The following KCNH1 variants were observed in gnomAD, a reference collection of about 807,000 sequenced individuals.
The protein encoded by KCNH1 is potassium voltage-gated channel subfamily H member 1, also known as voltage-gated delayed rectifier potassium channel KCNH1.
In KCNH1, 27 loss-of-function variants were observed where a neutral mutation model predicts 69.2. That is an observed-to-expected ratio of 0.39 (90% CI 0.29 to 0.54). The LOEUF (loss-of-function observed/expected upper bound fraction) is 0.54, where lower values mean the gene tolerates loss of function less well. Among genes scored for constraint, KCNH1 ranks in the 20% least tolerant of loss-of-function variants. The pLI is 0.68. For missense variants in KCNH1, 798 were observed against 1,261.6 expected, an observed-to-expected ratio of 0.63 and a Z score of 5.57; for synonymous variants, 456 against 487.7, an observed-to-expected ratio of 0.93 and a Z score of 0.86.
chr1:210,969,513 A>G (rs1688473553), intron 6 of KCNH1, among the ~76,000 whole-genome samples: 2 of 151,808 alleles, frequency 1.3e-5, no homozygotes, highest in South Asian at 4.2e-4. Context: ...TGAGTCGTTT[A>G]TCTCCCCTAG....
chr1:210,877,400 C>T (rs1686399862), intron 7 of KCNH1, among the ~76,000 whole-genome samples: 1 of 152,126 alleles, frequency 6.6e-6, no homozygotes, highest in Non-Finnish European at 1.5e-5. Context: ...ATGGATGATG[C>T]TGAAATCTCA....
intron 10 of KCNH1, among the ~76,000 whole-genome samples, chr1:210,687,118 A>G (rs1392234459): frequency 6.6e-6 from 1 of 152,226 alleles, no homozygotes; most frequent in Non-Finnish European, 1.5e-5. Context: ...GCAGCCTCTG[A>G]GACTTGAGAT....
intron 9 of KCNH1, among the ~76,000 whole-genome samples, chr1:210,789,862 G>A (rs1301738856): frequency 6.6e-6 from 1 of 152,104 alleles, no homozygotes; most frequent in Admixed American, 6.5e-5. Flanking sequence ...TTCTAGTATC[G>A]TTTAAAATTT....
intron 1 of KCNH1, among the ~76,000 whole-genome samples, chr1:211,114,836 C>T (rs965469050): frequency 1.3e-5 from 2 of 152,090 alleles, no homozygotes; most frequent in African/African-American, 4.8e-5. Context: ...TAACCCACTG[C>T]TTGGACAAAA....
chr1:211,107,361 C>T lies in KCNH1; in HGVS notation c.96G>A (p.Leu32=). Residue 32 remains leucine, a synonymous_variant, in exon 2 of 11, where the codon TTG becomes TTA. Transcript: ENST00000271751. ...GCCAGTCCACTATCTGAGCATTCCC[C>T]AACACAAAATTAGTATCTGTTAAAA... The part of the protein sequence containing the change: ...VRRSNDTNFV[L]GNAQIVDWPI... 3.1e-6 allele frequency: 5 copies of T among 1,601,178 alleles called. No homozygotes were observed. Among genetic ancestry groups the T allele is most frequent in the Non-Finnish European group, 4.3e-6 (5 of 1,176,320 alleles).
chr1:210,787,554 G>A (rs948449243), intron 9 of KCNH1, among the ~76,000 whole-genome samples: 3 of 152,158 alleles, frequency 2.0e-5, no homozygotes, highest in Non-Finnish European at 2.9e-5. Context: ...CGTTTGAACA[G>A]AACAATGTTA....
chr1:210,919,379 C>A lies in KCNH1; in HGVS notation c.1462+261G>T. ...GAAAATAGTCTGTAAGAGAAGACAC[C>A]AACAGTATTAGTAGTTATCTCTGAA... is the stretch of plus-strand genomic sequence containing the variant. On this transcript the variant is annotated intron_variant, in intron 7 of 10. Transcript: ENST00000271751. This position sits in a 1 kb window ranked among gnomAD's most constrained non-coding sequence, Gnocchi z 4.2. 1 of 421,738 alleles carries A rather than the reference C, an allele frequency of 2.4e-6. No individual in the cohort carries two copies. The highest frequency in any genetic ancestry group is 2.0e-5 in the African/African-American group (1 of 51,032). 26.1% of individuals were successfully genotyped at this position (421,738 alleles called of 1,614,324 possible).
chr1:210,998,038 G>C (rs1289113962), intron 6 of KCNH1, among the ~76,000 whole-genome samples: 1 of 152,116 alleles, frequency 6.6e-6, no homozygotes, highest in African/African-American at 2.4e-5. Context: ...GGAACAACCG[G>C]TACCAGCCAC....
chr1:210,938,268 T>C (rs540802801), intron 6 of KCNH1, among the ~76,000 whole-genome samples: 6 of 152,372 alleles, frequency 3.9e-5, no homozygotes, highest in African/African-American at 1.4e-4. Context: ...TTTGCTGTCA[T>C]TTGGATAAAA....
intron 1 of KCNH1, among the ~76,000 whole-genome samples, chr1:211,109,032 A>C (rs1571653266): frequency 6.6e-6 from 1 of 152,368 alleles, no homozygotes; most frequent in Middle Eastern, 3.4e-3. Flanking sequence ...GCTGCGTCTC[A>C]GAGGGGATAA....
intron 5 of KCNH1, among the ~76,000 whole-genome samples, chr1:211,060,883 A>C (rs1439288760): frequency 6.6e-6 from 1 of 152,170 alleles, no homozygotes; most frequent in Non-Finnish European, 1.5e-5. Context: ...ACCAAACATA[A>C]ACAAGAACTA....
chr1:210,970,040 G>C (rs908624965), intron 6 of KCNH1, among the ~76,000 whole-genome samples: 1 of 151,726 alleles, frequency 6.6e-6, no homozygotes, highest in Admixed American at 6.6e-5. Flanking sequence ...GGGACTATAG[G>C]CACATGCCAC....
At chr1:210,820,888 C>T (rs550305204) in intron 7 of KCNH1, among the ~76,000 whole-genome samples, 3 of 152,098 alleles carry the variant, frequency 2.0e-5, no homozygotes, top group Non-Finnish European at 4.4e-5. Flanking sequence ...ACAGATTCTT[C>T]CCCTGAAGCC....
chr1:210,815,476 T>C (rs913191415), intron 7 of KCNH1, among the ~76,000 whole-genome samples: 1 of 152,330 alleles, frequency 6.6e-6, no homozygotes. Flanking sequence ...CTGAATTTCC[T>C]GCCAGCGGAA....
At chr1:211,026,583 C>G (rs749778498) in intron 5 of KCNH1, among the ~76,000 whole-genome samples, 1 of 152,140 alleles carries the variant, frequency 6.6e-6, no homozygotes, top group Non-Finnish European at 1.5e-5. Flanking sequence ...TCCCCTTTCT[C>G]GAAGCTGTAA....
At chr1:210,861,180 G>A (rs1685971021) in intron 7 of KCNH1, 14 of 959,122 alleles carry the variant, frequency 1.5e-5, no homozygotes, top group Non-Finnish European at 2.2e-5. Context: ...TCTTCCCAAA[G>A]TTCCTCATCA....
intron 5 of KCNH1, among the ~76,000 whole-genome samples, chr1:211,063,143 T>A (rs1285202240): frequency 6.6e-6 from 1 of 152,128 alleles, no homozygotes; most frequent in Non-Finnish European, 1.5e-5. Flanking sequence ...AAGAATGAAA[T>A]CCTGTCCTTT....
chr1:210,806,824 A>T (rs868291519), intron 7 of KCNH1, among the ~76,000 whole-genome samples: 3,185 of 44,130 alleles, frequency 0.072, 353 homozygotes, highest in East Asian at 0.17. Flanking sequence ...AAAAAAAAAA[A>T]AAAAAAAAAA....
chr1:210,811,949 T>C (rs2102416119), intron 7 of KCNH1, among the ~76,000 whole-genome samples: 1 of 152,248 alleles, frequency 6.6e-6, no homozygotes, highest in East Asian at 1.9e-4. Flanking sequence ...GTGGAGAGCC[T>C]TTAAACCCAT....
Sources: gnomAD v4.1 joint callset for allele counts (sites outside exome capture counted in the v4.1 genomes callset) on GRCh38, gnomAD v4.1.1 for gene constraint, Gnocchi (gnomAD v3.1) non-coding constraint, MANE v1.5 for transcripts, NCBI Gene and HGNC (gene_info 2026-07-23, HGNC 2026-07-21) for gene names.